Variants in CTNNA3 observed in about 807,000 individuals in gnomAD.
CTNNA3 encodes catenin alpha 3, also known as catenin alpha-3.
A neutral mutation model predicts 95.7 loss-of-function variants in CTNNA3; 76 were observed. That is an observed-to-expected ratio of 0.79 (90% CI 0.66 to 0.96). The LOEUF is 0.96. Ranked by LOEUF, CTNNA3 falls within the 40% of genes least tolerant of loss-of-function variation. The pLI, the probability that CTNNA3 is intolerant of heterozygous loss-of-function variation, is 0.00. For missense variants in CTNNA3, 1,191 were observed against 1,089.8 expected, an observed-to-expected ratio of 1.09 and a Z score of -1.31; for synonymous variants, 431 against 374.4, an observed-to-expected ratio of 1.15 and a Z score of -1.74.
chr10:67,040,987 C>T (rs1342376588), intron 7 of CTNNA3, among the ~76,000 whole-genome samples: 1 of 151,704 alleles, frequency 6.6e-6, no homozygotes, highest in Non-Finnish European at 1.5e-5. Context: ...GCATTTTATA[C>T]TTTTTTTTAG....
chr10:66,017,389 T>C (rs1389904814), intron 15 of CTNNA3, among the ~76,000 whole-genome samples: 1 of 152,094 alleles, frequency 6.6e-6, no homozygotes, highest in African/African-American at 2.4e-5. Flanking sequence ...ACCTAGATAG[T>C]CAAAGTGAGT....
chr10:67,195,994 CA>C (rs34400654), intron 6 of CTNNA3, among the ~76,000 whole-genome samples: 55,290 of 151,820 alleles, frequency 0.36, 14,372 homozygotes, highest in African/African-American at 0.74. Flanking sequence ...ACATTCTTCA[CA>C]AAAACACATG....
At chr10:66,984,172 T>C (rs775097263) in intron 7 of CTNNA3, among the ~76,000 whole-genome samples, 2 of 152,084 alleles carry the variant, frequency 1.3e-5, no homozygotes, top group African/African-American at 2.4e-5. Context: ...ACTTTTTAAG[T>C]CAAGACAATG....
intron 10 of CTNNA3, among the ~76,000 whole-genome samples, chr10:66,595,487 C>T (rs1044218772): frequency 6.6e-6 from 1 of 151,872 alleles, no homozygotes; most frequent in Non-Finnish European, 1.5e-5. Context: ...CAGGCGCATG[C>T]CACCACATCC....
intron 15 of CTNNA3, among the ~76,000 whole-genome samples, chr10:66,044,293 C>T (rs909391215): frequency 6.6e-6 from 1 of 152,084 alleles, no homozygotes; most frequent in Admixed American, 6.6e-5. Context: ...GCCCGGCCTT[C>T]CATTTTTTAT....
chr10:66,468,162 T>C (rs1279091032), intron 11 of CTNNA3, among the ~76,000 whole-genome samples: 1 of 152,016 alleles, frequency 6.6e-6, no homozygotes, highest in East Asian at 1.9e-4. Flanking sequence ...TTAGGTCACT[T>C]AGTTAAATTC....
At position 66,156,372 on chromosome 10, in the gene CTNNA3, G is replaced by A. The variant is rs566096652; in HGVS notation, c.1885-53123C>T. 5.9e-5 allele frequency among the ~76,000 whole-genome samples: 9 copies of A among 152,008 alleles called. No individual in the cohort carries two copies. In the South Asian group the frequency reaches 6.2e-4, roughly 11 times the overall value. ...TGTTGGACCACACTTTACAAATACC[G>A]CCATCAGGAAAAAACTAGTAAAGGA... is the stretch of plus-strand genomic sequence containing the variant. On this transcript the variant is annotated intron_variant, in intron 13 of 17. Transcript: ENST00000433211.
rs183455422 is a variant in CTNNA3, at chr10:65,938,965, C to G, written c.2401-18348G>C. ...TCGCCCAGGCTGGAATGCAGTGGCG[C>G]GATCTCGGCTCACTGCAAGCTCCGC... On this transcript the variant is annotated intron_variant, in intron 17 of 17. Transcript: ENST00000433211. Among the ~76,000 whole-genome samples, 1,198 of 151,852 alleles carry G rather than the reference C, an allele frequency of 7.9e-3. 17 individuals are homozygous for G. Among genetic ancestry groups the G allele is most frequent in the African/African-American group, 0.027 (1,137 of 41,428 alleles).
chr10:66,787,250 C>T (rs1466677841), intron 7 of CTNNA3, among the ~76,000 whole-genome samples: 15 of 150,880 alleles, frequency 9.9e-5, no homozygotes, highest in African/African-American at 2.9e-4. Flanking sequence ...GTTGATGTCT[C>T]GATCAGATCT....
chr10:66,864,632 C>T (rs896248563), intron 7 of CTNNA3, among the ~76,000 whole-genome samples: 5 of 152,042 alleles, frequency 3.3e-5, no homozygotes, highest in Admixed American at 6.6e-5. Flanking sequence ...CTAGTCATCC[C>T]TATTTTCTAT....
chr10:67,129,719 GA>G (rs1402816529), intron 7 of CTNNA3, among the ~76,000 whole-genome samples: 1 of 151,966 alleles, frequency 6.6e-6, no homozygotes, highest in Non-Finnish European at 1.5e-5. Context: ...CAATAGAAAC[GA>G]AAGTGCTAAG....
intron 14 of CTNNA3, among the ~76,000 whole-genome samples, chr10:66,077,554 A>C (rs1213072140): frequency 6.6e-6 from 1 of 151,858 alleles, no homozygotes; most frequent in East Asian, 1.9e-4. Context: ...AATGAGACTC[A>C]TGACCTCCAG....
chr10:66,836,628 G>C (rs1842896153), intron 7 of CTNNA3, among the ~76,000 whole-genome samples: 1 of 152,160 alleles, frequency 6.6e-6, no homozygotes, highest in Non-Finnish European at 1.5e-5. Context: ...CTGAGGAAGA[G>C]TTCAGATATC....
chr10:66,993,353 A>G (rs1332788023), intron 7 of CTNNA3, among the ~76,000 whole-genome samples: 1 of 152,134 alleles, frequency 6.6e-6, no homozygotes, highest in Non-Finnish European at 1.5e-5. Flanking sequence ...TTCTATTCCT[A>G]CAAGTTGATT....
At chr10:66,303,581 T>C (rs796966759) in intron 12 of CTNNA3, among the ~76,000 whole-genome samples, 3 of 151,276 alleles carry the variant, frequency 2.0e-5, no homozygotes, top group African/African-American at 7.3e-5. Flanking sequence ...AATAAAAGTC[T>C]TATCTCAATA....
intron 12 of CTNNA3, among the ~76,000 whole-genome samples, chr10:66,317,203 A>G (rs2092113395): frequency 6.6e-6 from 1 of 152,140 alleles, no homozygotes; most frequent in East Asian, 1.9e-4. Flanking sequence ...AAATACAGAG[A>G]AAATGGTGAT....
chr10:65,989,248 T>C (rs1460412822), intron 15 of CTNNA3, among the ~76,000 whole-genome samples: 1 of 152,146 alleles, frequency 6.6e-6, no homozygotes, highest in Non-Finnish European at 1.5e-5. Context: ...CAGCTGTTGG[T>C]TTTAATATTT....
intron 3 of CTNNA3, among the ~76,000 whole-genome samples, chr10:67,566,056 T>TATATATATATATATATATATATAC (rs1841773797): frequency 1.2e-5 from 1 of 86,836 alleles, no homozygotes; most frequent in East Asian, 5.2e-4. Context: ...TATATATATA[T>TATATATATATATATATATATATAC]ATATATATAT....
At chr10:66,434,995 T>C (rs1254882621) in intron 11 of CTNNA3, among the ~76,000 whole-genome samples, 2 of 151,974 alleles carry the variant, frequency 1.3e-5, no homozygotes, top group African/African-American at 4.8e-5. Context: ...GGGGTGAAGC[T>C]GACTTGATTG....
Sources: gnomAD v4.1 joint callset for allele counts (sites outside exome capture counted in the v4.1 genomes callset) on GRCh38, gnomAD v4.1.1 for gene constraint, MANE v1.5 for transcripts, NCBI Gene and HGNC (gene_info 2026-07-23, HGNC 2026-07-21) for gene names.